Variants in JPH2 observed in about 807,000 individuals in gnomAD.
The protein encoded by JPH2 is junctophilin-2.
A neutral mutation model predicts 55.9 loss-of-function variants in JPH2; 38 were observed. That is an observed-to-expected ratio of 0.68 (90% CI 0.52 to 0.89). The LOEUF (loss-of-function observed/expected upper bound fraction) is 0.89, where lower values mean the gene tolerates loss of function less well. JPH2 is among the 40% of genes least tolerant of loss of function. The pLI is 0.00. For missense variants in JPH2, 964 were observed against 1,037.6 expected, an observed-to-expected ratio of 0.93 and a Z score of 0.97; for synonymous variants, 480 against 472.4, an observed-to-expected ratio of 1.02 and a Z score of -0.21.
At chr20:44,169,576 C>T (rs1569215873) in intron 1 of JPH2, among the ~76,000 whole-genome samples, 1 of 152,134 alleles carries the variant, frequency 6.6e-6, no homozygotes, top group Admixed American at 6.5e-5. Flanking sequence ...GACATATGGG[C>T]CAGACCAGGA....
intron 1 of JPH2, among the ~76,000 whole-genome samples, chr20:44,166,725 A>T (rs2072658543): frequency 6.6e-6 from 1 of 152,190 alleles, no homozygotes; most frequent in Non-Finnish European, 1.5e-5. Flanking sequence ...AAGACAGGAC[A>T]GTTCTCCCTG....
At chr20:44,143,543 G>A (rs189755785) in intron 2 of JPH2, among the ~76,000 whole-genome samples, 4 of 152,352 alleles carry the variant, frequency 2.6e-5, no homozygotes, top group Admixed American at 1.3e-4. Context: ...ACTGAGGTCT[G>A]AGCTGGATCC....
chr20:44,159,879 A>C lies in JPH2; in HGVS notation c.908T>G (p.Phe303Cys). 1 of 1,611,104 alleles carries C rather than the reference A, an allele frequency of 6.2e-7. No homozygotes were observed. The highest frequency in any genetic ancestry group is 8.5e-7 in the Non-Finnish European group (1 of 1,179,558). ...GEWKNDKRSG[F>C]GVSERSSGLR... ...GCCACTGGAGCGTTCGCTCACGCCG[A>C]AGCCCGAGCGTTTGTCGTTCTTCCA... The change falls in exon 2 of 6, where the codon TTC (phenylalanine) becomes TGC (cysteine). Residue 303 changes from phenylalanine to cysteine, a missense_variant. Transcript: ENST00000372980. This position sits in a 1 kb window ranked among gnomAD's most constrained non-coding sequence, Gnocchi z 5.7.
At chr20:44,130,990 A>T (rs2072313967) in intron 2 of JPH2, among the ~76,000 whole-genome samples, 1 of 152,198 alleles carries the variant, frequency 6.6e-6, no homozygotes, top group South Asian at 2.1e-4. Context: ...TCACCTAGAC[A>T]AGTCAATTAG....
At chr20:44,120,263 A>G (rs2072226021) in intron 2 of JPH2, among the ~76,000 whole-genome samples, 1 of 152,154 alleles carries the variant, frequency 6.6e-6, no homozygotes, top group East Asian at 1.9e-4. Context: ...GAGCCCATAA[A>G]TGATTGCATG....
At chr20:44,123,039 C>T (rs1293543281) in intron 2 of JPH2, among the ~76,000 whole-genome samples, 1 of 152,190 alleles carries the variant, frequency 6.6e-6, no homozygotes, top group East Asian at 1.9e-4. Context: ...AAGGCAGCCT[C>T]TCCCCACAGC....
intron 1 of JPH2, among the ~76,000 whole-genome samples, chr20:44,165,447 C>G (rs2072649592): frequency 6.6e-6 from 1 of 152,200 alleles, no homozygotes; most frequent in Admixed American, 6.5e-5. Flanking sequence ...TCTCTCTCAC[C>G]TGGATTTTCA....
chr20:44,172,313 T>C (rs1458588992), intron 1 of JPH2, among the ~76,000 whole-genome samples: 1 of 152,162 alleles, frequency 6.6e-6, no homozygotes, highest in Non-Finnish European at 1.5e-5. Context: ...ATAGTCAGGA[T>C]ATAGTAGCAA....
chr20:44,183,042 TAC>T (rs201129976), intron 1 of JPH2, among the ~76,000 whole-genome samples: 2,889 of 151,576 alleles, frequency 0.019, 109 homozygotes, highest in African/African-American at 0.067. Flanking sequence ...CACACATAAA[TAC>T]ACACACACAC....
Position 44,160,092 on chromosome 20 carries a change from C to A in JPH2, c.695G>T (p.Arg232Leu), listed in dbSNP as rs1475379949. The change falls in exon 2 of 6, where the codon CGC becomes CTC. Residue 232 changes from arginine (R) to leucine (L), a missense_variant. Arg to Leu is a moderately radical substitution (Grantham distance 102, BLOSUM62 -2). Transcript: ENST00000372980. The surrounding 1 kb of genome is among the most constrained non-coding windows in gnomAD (Gnocchi z 4.9). ...QRGALLGKLR[R>L]AESRTSVGSQ... ...ACCCACGGACGTGCGCGACTCTGCG[C>A]GCCGCAGCTTGCCCAGCAGCGCGCC... 6.5e-7 allele frequency: 1 copy of A among 1,531,110 alleles called. No individual in the cohort carries two copies. The highest frequency in any genetic ancestry group is 8.7e-7 in the Non-Finnish European group (1 of 1,143,950). 94.8% of individuals were successfully genotyped at this position (1,531,110 alleles called of 1,614,324 possible).
rs958622787 is a variant in JPH2 at position 44,112,282 on chromosome 20, C to T, written c.*1236G>A. 2 of 152,306 alleles carry T rather than the reference C, an allele frequency of 1.3e-5. No individual in the cohort carries two copies. The highest frequency in any genetic ancestry group is 1.5e-5 in the Non-Finnish European group (1 of 68,150). The allele number at this position is 152,306 out of a possible 1,614,324, so 9.4% of individuals were successfully genotyped here. A position where few individuals can be genotyped will look rare whatever the true frequency, so the allele number is the denominator to read the frequency against. ...CCAGGCTTGGAGGGGCCTGGAAGCC[C>T]TTTCTCTCCATTCTCCTGGAGGCAG... is the stretch of plus-strand genomic sequence containing the variant. On this transcript the variant is annotated 3_prime_UTR_variant, in exon 6 of 6. Transcript: ENST00000372980.
At chr20:44,116,900 T>C (rs2072197287) in intron 3 of JPH2, among the ~76,000 whole-genome samples, 1 of 152,220 alleles carries the variant, frequency 6.6e-6, no homozygotes, top group Non-Finnish European at 1.5e-5. Flanking sequence ...TTTTCGCTCC[T>C]AGGTTTTTCA....
chr20:44,183,592 C>A (rs1309672741), intron 1 of JPH2, among the ~76,000 whole-genome samples: 1 of 152,230 alleles, frequency 6.6e-6, no homozygotes, highest in Non-Finnish European at 1.5e-5. Context: ...TAGCTGATGC[C>A]TTTTCCTGCC....
At chr20:44,122,419 T>C (rs181547521) in intron 2 of JPH2, among the ~76,000 whole-genome samples, 187 of 152,322 alleles carry the variant, frequency 1.2e-3, no homozygotes, top group Non-Finnish European at 2.4e-3. Flanking sequence ...AACTCAGTGA[T>C]CAAGAGGAAT....
chr20:44,114,583 TG>T (rs2072172383), intron 5 of JPH2, among the ~76,000 whole-genome samples, 198 bp downstream of exon 5: 1 of 121,640 alleles, frequency 8.2e-6, no homozygotes, highest in Non-Finnish European at 1.7e-5. Context: ...TGTGTGTGTG[TG>T]TGTGTGTGTG....
rs139083726 is a variant in JPH2 at position 44,120,914 on chromosome 20, G to T, written c.1170-2291C>A. Among the ~76,000 whole-genome samples the T allele has an allele frequency of 1.9e-4, 29 of 152,328 alleles. No homozygotes were observed. The East Asian group carries it at 5.6e-3, about 29-fold the overall frequency. ...AGAGCCTGTGCCAGGAGCTGAGCAT[G>T]GCCAGGAACTGAGGACAGAGACTCT... On this transcript the variant is annotated intron_variant, in intron 2 of 5. Coordinates refer to ENST00000372980, the MANE Select transcript of JPH2 (RefSeq NM_020433.5).
chr20:44,140,836 C>T (rs147174060), intron 2 of JPH2, among the ~76,000 whole-genome samples: 2 of 152,258 alleles, frequency 1.3e-5, no homozygotes, highest in Non-Finnish European at 2.9e-5. Flanking sequence ...AGTATTTACA[C>T]AGGTTATATC....
At chr20:44,137,167 A>C (rs1318292677) in intron 2 of JPH2, among the ~76,000 whole-genome samples, 1 of 152,112 alleles carries the variant, frequency 6.6e-6, no homozygotes, top group Non-Finnish European at 1.5e-5. Flanking sequence ...TTTTCTCCCC[A>C]AGGGTTGGGC....
At chr20:44,141,739 C>T (rs2072458187) in intron 2 of JPH2, among the ~76,000 whole-genome samples, 2 of 152,022 alleles carry the variant, frequency 1.3e-5, no homozygotes, top group South Asian at 4.1e-4. Flanking sequence ...GAACTCCTGG[C>T]CTCAAGCAAT....
Sources: gnomAD v4.1 joint callset for allele counts (sites outside exome capture counted in the v4.1 genomes callset) on GRCh38, gnomAD v4.1.1 for gene constraint, Gnocchi (gnomAD v3.1) non-coding constraint, MANE v1.5 for transcripts, NCBI Gene and HGNC (gene_info 2026-07-23, HGNC 2026-07-21) for gene names.